Variants in PRP4K observed in about 807,000 individuals in gnomAD.
PRP4K encodes the protein serine/threonine-protein kinase PRP4 homolog.
chr6:4,048,595 G>C, the PRP4K span, among the ~76,000 whole-genome samples: 10 of 151,874 alleles, frequency 6.6e-5, no homozygotes, highest in African/African-American at 2.4e-4. Flanking sequence ...GTCTCCCTCT[G>C]TCCTAGACTA....
chr6:4,031,690 A>T, the PRP4K span: 1 of 1,605,002 alleles, frequency 6.2e-7, no homozygotes, highest in Non-Finnish European at 8.5e-7. Flanking sequence ...AAGAAACATA[A>T]ACATTCCTCA....
the PRP4K span, among the ~76,000 whole-genome samples, chr6:4,043,086 A>G: frequency 6.6e-5 from 10 of 152,344 alleles, no homozygotes; most frequent in East Asian, 1.9e-3. Flanking sequence ...CCATTTAATT[A>G]TAAGGTTTGG....
chr6:4,032,203 G>C, the PRP4K span: 2 of 1,613,990 alleles, frequency 1.2e-6, no homozygotes, highest in Non-Finnish European at 1.7e-6. Flanking sequence ...CCATCCAAAA[G>C]AAGTAAGTCT....
At chr6:4,043,552 A>G in the PRP4K span, among the ~76,000 whole-genome samples, 1 of 152,172 alleles carries the variant, frequency 6.6e-6, no homozygotes, top group South Asian at 2.1e-4. Flanking sequence ...AAAATAAGAC[A>G]ATAAATGGTG....
At chr6:4,038,634 C>A in the PRP4K span, among the ~76,000 whole-genome samples, 1 of 151,934 alleles carries the variant, frequency 6.6e-6, no homozygotes, top group Non-Finnish European at 1.5e-5. Flanking sequence ...CTTTTTTGTT[C>A]TTCTAGAGTC....
At chr6:4,032,815 C>A in the PRP4K span, 1 of 1,422,284 alleles carries the variant, frequency 7.0e-7, no homozygotes, top group Non-Finnish European at 9.2e-7. Context: ...AAACGGAAAA[C>A]TAGAACTTGT....
At chr6:4,056,924 A>G in the PRP4K span, 1 of 1,164,100 alleles carries the variant, frequency 8.6e-7, no homozygotes, top group Non-Finnish European at 1.2e-6. Flanking sequence ...AGGCATGAAG[A>G]TTGTGGTTAT....
the PRP4K span, among the ~76,000 whole-genome samples, chr6:4,023,679 AC>A: frequency 6.6e-4 from 100 of 152,210 alleles, no homozygotes; most frequent in Admixed American, 1.2e-3. Flanking sequence ...GGTCTTTTGG[AC>A]CCATTCTGAT....
the PRP4K span, chr6:4,021,344 C>T: frequency 2.6e-6 from 4 of 1,543,398 alleles, no homozygotes; most frequent in African/African-American, 2.7e-5. Flanking sequence ...CGCGGCAGCT[C>T]TTTTCCTTCT....
the PRP4K span, chr6:4,053,009 A>G: frequency 1.3e-6 from 1 of 758,900 alleles, no homozygotes; most frequent in African/African-American, 1.8e-5. Flanking sequence ...CAAATGACTA[A>G]TACTTTTTTA....
chr6:4,037,690 A>C, the PRP4K span: 2 of 931,810 alleles, frequency 2.1e-6, no homozygotes, highest in East Asian at 5.8e-5. Context: ...TTGTGTTCCC[A>C]TAGTTTCCTT....
chr6:4,054,247 G>GT, the PRP4K span, among the ~76,000 whole-genome samples: 33 of 151,246 alleles, frequency 2.2e-4, no homozygotes, highest in East Asian at 3.9e-4. Context: ...AGTTTAAGGA[G>GT]TTTTTTTTTA....
the PRP4K span, chr6:4,052,596 T>G: frequency 1.4e-6 from 1 of 705,960 alleles, no homozygotes; most frequent in African/African-American, 1.8e-5. Flanking sequence ...GTGGGGGTGG[T>G]TCTTACATAT....
the PRP4K span, among the ~76,000 whole-genome samples, chr6:4,036,610 G>A: frequency 6.6e-6 from 1 of 151,904 alleles, no homozygotes; most frequent in African/African-American, 2.4e-5. Flanking sequence ...AACCTCATGG[G>A]CTCAGGCGGT....
chr6:4,043,370 T>A, the PRP4K span, among the ~76,000 whole-genome samples: 2 of 152,194 alleles, frequency 1.3e-5, no homozygotes, highest in African/African-American at 4.8e-5. Context: ...CCACAACCCC[T>A]TACCTCCAAC....
chr6:4,039,674 T>C, the PRP4K span, among the ~76,000 whole-genome samples: 2 of 152,174 alleles, frequency 1.3e-5, no homozygotes, highest in African/African-American at 4.8e-5. Flanking sequence ...ATGTTCTGAC[T>C]GTTTCTGATT....
the PRP4K span, among the ~76,000 whole-genome samples, chr6:4,037,088 A>G: frequency 6.6e-6 from 1 of 152,052 alleles, no homozygotes; most frequent in East Asian, 1.9e-4. Context: ...ATGGAGTATT[A>G]TACTCACTTG....
At chr6:4,052,050 C>G in the PRP4K span, 1 of 1,603,198 alleles carries the variant, frequency 6.2e-7, no homozygotes, top group Non-Finnish European at 8.5e-7. Context: ...TCTTCAGGCA[C>G]TTCTATCACA....
At chr6:4,048,296 A>G in the PRP4K span, among the ~76,000 whole-genome samples, 5 of 150,956 alleles carry the variant, frequency 3.3e-5, no homozygotes, top group African/African-American at 1.2e-4. Flanking sequence ...GGAGAATGGC[A>G]TGAACCCGAG....
Sources: allele counts gnomAD v4.1 joint callset (sites outside exome capture counted in the v4.1 genomes callset), GRCh38; gene constraint gnomAD v4.1.1; transcripts MANE v1.5; gene names NCBI Gene and HGNC (gene_info 2026-07-23, HGNC 2026-07-21).